ADAMTS9: variants seen among roughly 807,000 people sequenced by gnomAD.
ADAMTS9 encodes ADAM metallopeptidase with thrombospondin type 1 motif 9, also known as A disintegrin and metalloproteinase with thrombospondin motifs 9.
ADAMTS9 carries 107 observed loss-of-function variants against 257.1 expected under a neutral mutation model. That is an observed-to-expected ratio of 0.42 (90% CI 0.36 to 0.49). ADAMTS9 has a LOEUF of 0.49. Among genes scored for constraint, ADAMTS9 ranks in the 20% least tolerant of loss-of-function variants. The probability of loss-of-function intolerance (pLI) is 0.03; values close to 1 mark genes in which losing one functional copy is unlikely to be tolerated. For synonymous variants in ADAMTS9, 982 were observed against 880.9 expected, an observed-to-expected ratio of 1.11 and a Z score of -2.03; for missense variants, 2,353 against 2,469.1, an observed-to-expected ratio of 0.95 and a Z score of 1.00.
Position 64,613,375 on chromosome 3 carries a change from A to G in ADAMTS9, c.3324T>C (p.Cys1108=). 1.9e-6 allele frequency: 3 copies of G among 1,613,908 alleles called. No individual in the cohort carries two copies. The highest frequency in any genetic ancestry group is 2.5e-6 in the Non-Finnish European group (3 of 1,179,870). ...CCCAGGGACCCGCCTGCCAGGATGC[A>G]CATTCCGGCTGCTGACAAGTCTGCA... ...TSMQTCQQPE[C]ASWQAGPWGQ... The change falls in exon 22 of 40, where the codon TGT becomes TGC. Residue 1108 remains cysteine (C), a synonymous_variant. Coordinates refer to ENST00000498707, the MANE Select transcript of ADAMTS9 (RefSeq NM_182920.2).
At chr3:64,587,120 C>T (rs999184860) in intron 28 of ADAMTS9, 2 of 152,164 alleles carry the variant, frequency 1.3e-5, no homozygotes, top group Non-Finnish European at 2.9e-5. Context: ...CAATGAAGCC[C>T]TGGAGTTACT....
intron 38 of ADAMTS9, among the ~76,000 whole-genome samples, chr3:64,529,028 A>G (rs1298948220): frequency 1.3e-5 from 2 of 152,194 alleles, no homozygotes; most frequent in Non-Finnish European, 2.9e-5. Flanking sequence ...GAGTTGCGGC[A>G]GGTTGGAGAG....
At chr3:64,517,415 G>GTTTTTTTTTTTTTTTTTTT (rs1242670245) in intron 39 of ADAMTS9, among the ~76,000 whole-genome samples, 8 of 11,542 alleles carry the variant, frequency 6.9e-4, no homozygotes, top group Non-Finnish European at 1.5e-3. Context: ...AATTAAAAAT[G>GTTTTTTTTTTTTTTTTTTT]GTTTTTTTTT....
Position 64,681,186 on chromosome 3 carries a change from G to A in ADAMTS9, c.679+15C>T. 1 of 1,608,382 alleles carries A rather than the reference G, an allele frequency of 6.2e-7. No homozygotes were observed. The highest frequency in any genetic ancestry group is 8.5e-7 in the Non-Finnish European group (1 of 1,178,130). ...TCAAAGAGCTGGGCTCTCCGCTTAA[G>A]CAAGAAGCAAATACCTGAGGTGTCA... On this transcript the variant is annotated intron_variant, in intron 3 of 39. Transcript: ENST00000498707.
intron 3 of ADAMTS9, among the ~76,000 whole-genome samples, chr3:64,671,913 T>C (rs1230177562): frequency 6.6e-6 from 1 of 152,234 alleles, no homozygotes; most frequent in Non-Finnish European, 1.5e-5. Context: ...GAAACCATCT[T>C]TGGCAGATAC....
intron 28 of ADAMTS9, chr3:64,592,249 C>G (rs1419137826): frequency 6.6e-6 from 1 of 152,144 alleles, no homozygotes; most frequent in Non-Finnish European, 1.5e-5. Context: ...ATAATGATCA[C>G]TTTATAAAGA....
intron 3 of ADAMTS9, among the ~76,000 whole-genome samples, chr3:64,665,946 A>T (rs1411369258): frequency 4.6e-5 from 7 of 152,222 alleles, no homozygotes; most frequent in Admixed American, 1.3e-4. Flanking sequence ...TTACATTTTT[A>T]AAAAAATTCA....
intron 3 of ADAMTS9, among the ~76,000 whole-genome samples, chr3:64,679,699 C>A (rs1701705934): frequency 6.6e-6 from 1 of 152,134 alleles, no homozygotes; most frequent in Non-Finnish European, 1.5e-5. Flanking sequence ...GATTTCATTT[C>A]TGTATGTTAT....
chr3:64,670,684 C>T (rs1317193307), intron 3 of ADAMTS9, among the ~76,000 whole-genome samples: 1 of 152,126 alleles, frequency 6.6e-6, no homozygotes, highest in Non-Finnish European at 1.5e-5. Flanking sequence ...AGCAAATATT[C>T]TAAGTTTTAA....
At chr3:64,609,509 T>TA (rs763334442) in intron 22 of ADAMTS9, among the ~76,000 whole-genome samples, 72 of 148,606 alleles carry the variant, frequency 4.8e-4, no homozygotes, top group South Asian at 1.3e-3. Context: ...AAAGTAAATT[T>TA]AAAAAAAAAA....
chr3:64,531,795 A>T (rs1396736796), intron 38 of ADAMTS9, among the ~76,000 whole-genome samples: 3 of 152,136 alleles, frequency 2.0e-5, no homozygotes, highest in African/African-American at 7.2e-5. Flanking sequence ...CTACTTTCCC[A>T]GCTCTCTTCT....
chr3:64,653,493 G>A (rs1330638569), intron 8 of ADAMTS9, among the ~76,000 whole-genome samples: 1 of 152,152 alleles, frequency 6.6e-6, no homozygotes, highest in African/African-American at 2.4e-5. Context: ...CTGTGTATAT[G>A]CATCTCCCTC....
chr3:64,604,552 G>A (rs1049690993), intron 23 of ADAMTS9, among the ~76,000 whole-genome samples: 8 of 152,058 alleles, frequency 5.3e-5, no homozygotes, highest in African/African-American at 1.7e-4. Flanking sequence ...AAAGGGCAGG[G>A]GTCAGCTTGA....
At chr3:64,618,729 T>A (rs1175437228) in intron 19 of ADAMTS9, among the ~76,000 whole-genome samples, 1 of 152,178 alleles carries the variant, frequency 6.6e-6, no homozygotes, top group Non-Finnish European at 1.5e-5. Context: ...TTATTATTAT[T>A]ATCATTATCC....
intron 3 of ADAMTS9, among the ~76,000 whole-genome samples, chr3:64,677,128 C>G (rs1445076694): frequency 1.3e-5 from 2 of 152,146 alleles, no homozygotes; most frequent in Non-Finnish European, 2.9e-5. Flanking sequence ...CTCCCATAGG[C>G]CTTTTGCTTG....
At chr3:64,637,361 G>T (rs769363803) in intron 12 of ADAMTS9, among the ~76,000 whole-genome samples, 7 of 152,150 alleles carry the variant, frequency 4.6e-5, no homozygotes, top group Non-Finnish European at 1.0e-4. Context: ...CAACTATTAA[G>T]ATCCTTTTAA....
At chr3:64,579,429 C>A (rs1213063775) in intron 28 of ADAMTS9, among the ~76,000 whole-genome samples, 3 of 152,168 alleles carry the variant, frequency 2.0e-5, no homozygotes, top group Non-Finnish European at 4.4e-5. Context: ...ACGCTATCTC[C>A]TATCCTTCTT....
In ADAMTS9 at chr3:64,561,752, C is replaced by T. The variant is rs747843929; in HGVS notation, c.4525-1G>A. On this transcript the variant is annotated splice_acceptor_variant, in intron 29 of 39. Coordinates refer to ENST00000498707, the MANE Select transcript of ADAMTS9 (RefSeq NM_182920.2). LOFTEE classifies it high-confidence loss of function. ...CGCCTCGGCCACAGGACACAGAGCA[C>T]TAAGAAGACAGAGAACGTAAGTGGG... 3 of 1,525,928 alleles carry T rather than the reference C, an allele frequency of 2.0e-6. No homozygotes were observed. In the South Asian group the frequency reaches 3.4e-5, roughly 17 times the overall value. The allele number at this position is 1,525,928 out of a possible 1,614,324, so 94.5% of individuals were successfully genotyped here.
At chr3:64,640,739 TTTTCAACTA>T (rs1298403356) in intron 12 of ADAMTS9, among the ~76,000 whole-genome samples, 1 of 152,206 alleles carries the variant, frequency 6.6e-6, no homozygotes, top group Non-Finnish European at 1.5e-5. Flanking sequence ...TTTCTATTCC[TTTTCAACTA>T]TGTATGTCTT....
Sources: gnomAD v4.1 joint callset for allele counts (sites outside exome capture counted in the v4.1 genomes callset) on GRCh38, gnomAD v4.1.1 for gene constraint, MANE v1.5 for transcripts, NCBI Gene and HGNC (gene_info 2026-07-23, HGNC 2026-07-21) for gene names.